Variants in RRBP1 observed in about 807,000 individuals in gnomAD.
RRBP1 encodes ribosome-binding protein 1.
Under a neutral mutation model 165.2 loss-of-function variants are expected in RRBP1, and 94 were observed. That is an observed-to-expected ratio of 0.57 (90% CI 0.48 to 0.68). RRBP1 has a LOEUF of 0.68. Among genes scored for constraint, RRBP1 ranks in the 30% least tolerant of loss-of-function variants. The probability of loss-of-function intolerance (pLI) is 0.00; values close to 1 mark genes in which losing one functional copy is unlikely to be tolerated. For missense variants in RRBP1, 1,676 were observed against 1,763.0 expected, an observed-to-expected ratio of 0.95 and a Z score of 0.88; for synonymous variants, 680 against 714.5, an observed-to-expected ratio of 0.95 and a Z score of 0.77.
At chr20:17,680,551 G>C (rs1321986355) in intron 1 of RRBP1, among the ~76,000 whole-genome samples, 1 of 152,110 alleles carries the variant, frequency 6.6e-6, no homozygotes, top group East Asian at 1.9e-4. Context: ...ACCTCTCAGA[G>C]TAATTGCCAA....
intron 2 of RRBP1, among the ~76,000 whole-genome samples, chr20:17,676,342 G>A (rs972782514): frequency 4.6e-5 from 7 of 152,216 alleles, no homozygotes; most frequent in Non-Finnish European, 7.3e-5. Flanking sequence ...ATGAGACGGC[G>A]AGGAGTTAAG....
Position 17,640,570 on chromosome 20 carries a change from G to A in RRBP1, c.2184+1227C>T, listed in dbSNP as rs558356011. On this transcript the variant is annotated intron_variant, in intron 5 of 24. Coordinates refer to ENST00000377813, the MANE Select transcript of RRBP1 (RefSeq NM_001365613.2). ...AGGACCTCTTCCGGCTTAGGGAGCAGAGTGTGGGTGGAAGGGAGGCCACGC... is the reference window on the plus strand; with the variant it reads ...AGGACCTCTTCCGGCTTAGGGAGCAAAGTGTGGGTGGAAGGGAGGCCACGC... Among the ~76,000 whole-genome samples the A allele has an allele frequency of 3.3e-5, 5 of 152,296 alleles. No individual in the cohort carries two copies. The East Asian group carries it at 7.8e-4, about 24-fold the overall frequency.
At chr20:17,627,747 C>A in intron 9 of RRBP1, 65 bp from the exon 10 acceptor site, 1 of 1,466,448 alleles carries the variant, frequency 6.8e-7, no homozygotes, top group Non-Finnish European at 9.2e-7. Flanking sequence ...TGGAGGATGC[C>A]CTCACTGCTG....
intron 21 of RRBP1, 84 bp downstream of exon 21, chr20:17,616,648 C>T (rs908501706): frequency 2.5e-5 from 22 of 884,084 alleles, no homozygotes; most frequent in African/African-American, 3.4e-5. Context: ...GCAGCCAGTG[C>T]GGGGTTTAGT....
chr20:17,624,929 GGGA>G (rs748552863), intron 12 of RRBP1, among the ~76,000 whole-genome samples: 5 of 152,338 alleles, frequency 3.3e-5, no homozygotes, highest in African/African-American at 4.8e-5. Flanking sequence ...ACTAGCCAAA[GGGA>G]GGAGGGAGGG....
intron 2 of RRBP1, 81 bp from the exon 3 acceptor site, chr20:17,660,609 C>A: frequency 1.2e-6 from 1 of 830,726 alleles, no homozygotes; most frequent in Non-Finnish European, 1.9e-6. Flanking sequence ...CACCAAACTT[C>A]AGGTTTCACT....
chr20:17,648,687 A>G (rs1265588145), intron 3 of RRBP1, among the ~76,000 whole-genome samples: 1 of 152,236 alleles, frequency 6.6e-6, no homozygotes, highest in Non-Finnish European at 1.5e-5. Context: ...AATTTAAAAT[A>G]TCCTATAGAT....
In RRBP1 at chr20:17,627,349, G is replaced by C. The variant is rs147527604; in HGVS notation, c.2962C>G (p.Arg988Gly). Residue 988 changes from arginine to glycine, a missense_variant and splice_region_variant, in exon 11 of 25, where the codon CGC (arginine) becomes GGC (glycine). Transcript: ENST00000377813. ...SQAEADQQQT[R>G]LKELESQVSG... ...AGGCAGGCTGCTTCCCCAGCTTACC[G>C]AGTCTGCTGCTGGTCAGCCTCCGCC... 6.2e-7 allele frequency: 1 copy of C among 1,613,272 alleles called. No homozygotes were observed. Among genetic ancestry groups the C allele is most frequent in the Non-Finnish European group, 8.5e-7 (1 of 1,179,934 alleles).
chr20:17,615,296 A>C, intron 23 of RRBP1, 135 bp downstream of exon 23: 1 of 667,190 alleles, frequency 1.5e-6, no homozygotes, highest in South Asian at 1.9e-5. Flanking sequence ...CCGGGTAGTG[A>C]CAAGGGGAAC....
intron 22 of RRBP1, 96 bp from the exon 23 acceptor site, chr20:17,615,625 C>G: frequency 3.1e-6 from 3 of 960,484 alleles, no homozygotes; most frequent in Non-Finnish European, 3.0e-6. Flanking sequence ...AGGGGGCCCC[C>G]CCAGCCTGAT....
Position 17,620,812 on chromosome 20 carries a change from G to A in RRBP1, c.3415-5C>T. The A allele has an allele frequency of 6.3e-7, 1 of 1,599,724 alleles. No individual in the cohort carries two copies. On this transcript the variant is annotated splice_region_variant and splice_polypyrimidine_tract_variant and intron_variant, in intron 16 of 24. Coordinates refer to ENST00000377813, the MANE Select transcript of RRBP1 (RefSeq NM_001365613.2). ...CAGGTCTCTGAGCATGCCCTCCTGGGGGGAAACCGAGGTGAGGCAGGGCCC... is the reference window on the plus strand; with the variant it reads ...CAGGTCTCTGAGCATGCCCTCCTGGAGGGAAACCGAGGTGAGGCAGGGCCC...
intron 11 of RRBP1, among the ~76,000 whole-genome samples, chr20:17,626,850 G>A (rs1167055828): frequency 6.6e-6 from 1 of 152,242 alleles, no homozygotes; most frequent in East Asian, 1.9e-4. Context: ...GGTCTGGCCA[G>A]CAGTGAAGTC....
intron 11 of RRBP1, among the ~76,000 whole-genome samples, chr20:17,626,064 C>T (rs1471185116): frequency 6.6e-6 from 1 of 152,194 alleles, no homozygotes; most frequent in Admixed American, 6.5e-5. Flanking sequence ...CAGCCACTGC[C>T]CGAATTCTAG....
chr20:17,621,627 C>T lies in RRBP1; in HGVS notation c.3324+63G>A, dbSNP rs2035915260. The stretch of plus-strand genomic sequence containing the variant: ...GGCTTCCCGTTGAAATGACTTGGGG[C>T]AGCCCCTCTTCCTGGGGACAGGGGA... On this transcript the variant is annotated intron_variant, in intron 15 of 24. Coordinates refer to ENST00000377813, the MANE Select transcript of RRBP1 (RefSeq NM_001365613.2). 5.0e-6 allele frequency: 8 copies of T among 1,588,674 alleles called. No individual in the cohort carries two copies. In the South Asian group the frequency reaches 8.9e-5, roughly 18 times the overall value.
At chr20:17,675,708 CAGAG>C (rs2037067939) in intron 2 of RRBP1, among the ~76,000 whole-genome samples, 1 of 152,202 alleles carries the variant, frequency 6.6e-6, no homozygotes, top group African/African-American at 2.4e-5. Flanking sequence ...GCCTGAGGAA[CAGAG>C]GCCACCGTGG....
chr20:17,627,723 A>T (rs755333426), intron 9 of RRBP1, 41 bp from the exon 10 acceptor site: 1 of 1,543,698 alleles, frequency 6.5e-7, no homozygotes, highest in South Asian at 1.2e-5. Flanking sequence ...AGAGACTGCA[A>T]ACCCCAGGGG....
intron 3 of RRBP1, among the ~76,000 whole-genome samples, chr20:17,653,478 A>G (rs1280407324): frequency 6.6e-6 from 1 of 152,262 alleles, no homozygotes; most frequent in Admixed American, 6.5e-5. Context: ...TACGTGTGCT[A>G]AAGAATAAGC....
At chr20:17,650,086 G>A (rs2036528715) in intron 3 of RRBP1, among the ~76,000 whole-genome samples, 1 of 152,058 alleles carries the variant, frequency 6.6e-6, no homozygotes, top group Non-Finnish European at 1.5e-5. Context: ...AGAAGGATGA[G>A]AGTTCCATCA....
intron 13 of RRBP1, among the ~76,000 whole-genome samples, chr20:17,622,481 C>T (rs1010748261): frequency 1.3e-5 from 2 of 151,948 alleles, no homozygotes; most frequent in Non-Finnish European, 2.9e-5. Flanking sequence ...AAGGGGCAAC[C>T]CAGAGAGGCT....
Sources: gnomAD v4.1 joint callset for allele counts (sites outside exome capture counted in the v4.1 genomes callset) on GRCh38, gnomAD v4.1.1 for gene constraint, MANE v1.5 for transcripts, NCBI Gene and HGNC (gene_info 2026-07-23, HGNC 2026-07-21) for gene names.